Variants in SDK1 observed in about 807,000 individuals in gnomAD.
The protein encoded by SDK1 is sidekick cell adhesion molecule 1.
In SDK1, 157 loss-of-function variants were observed where a neutral mutation model predicts 245.5. The ratio of observed to expected loss-of-function variants is 0.64; its 90% confidence interval spans 0.56 to 0.73. The LOEUF (loss-of-function observed/expected upper bound fraction) is 0.73. Ranked by LOEUF, SDK1 falls within the 30% of genes least tolerant of loss-of-function variation. The pLI, the probability that SDK1 is intolerant of heterozygous loss-of-function variation, is 0.00. For synonymous variants in SDK1, 1,647 were observed against 1,278.5 expected (o/e 1.29, Z -6.15); for missense variants, 3,583 against 3,002.3 (o/e 1.19, Z -4.52).
At chr7:3,542,331 G>T (rs1416531757) in intron 1 of SDK1, among the ~76,000 whole-genome samples, 1 of 152,200 alleles carries the variant, frequency 6.6e-6, no homozygotes, top group Non-Finnish European at 1.5e-5. Context: ...GGCTGGAAAG[G>T]TGATTACATT....
chr7:3,381,151 C>A (rs1347638072), intron 1 of SDK1, among the ~76,000 whole-genome samples: 2 of 151,998 alleles, frequency 1.3e-5, no homozygotes, highest in African/African-American at 2.4e-5. Flanking sequence ...CATGAAGGGA[C>A]TGAAAGGAAG....
At chr7:3,878,543 T>C (rs1252685695) in intron 5 of SDK1, among the ~76,000 whole-genome samples, 5 of 152,074 alleles carry the variant, frequency 3.3e-5, no homozygotes, top group Non-Finnish European at 5.9e-5. Flanking sequence ...ATGAAATAAA[T>C]AAATAAATAA....
At chr7:3,799,161 A>C (rs1779041370) in intron 4 of SDK1, among the ~76,000 whole-genome samples, 1 of 152,056 alleles carries the variant, frequency 6.6e-6, no homozygotes, top group Admixed American at 6.6e-5. Flanking sequence ...CCTTTTTATT[A>C]CTTTTTTGTT....
chr7:3,516,494 C>G (rs1782756157), intron 1 of SDK1, among the ~76,000 whole-genome samples: 2 of 152,070 alleles, frequency 1.3e-5, no homozygotes, highest in African/African-American at 4.8e-5. Context: ...CTATTTTTTA[C>G]TGAGTGTATT....
At chr7:4,213,699 A>C (rs12113495) in intron 38 of SDK1, among the ~76,000 whole-genome samples, 5,520 of 150,958 alleles carry the variant, frequency 0.037, 156 homozygotes, top group South Asian at 0.082. Flanking sequence ...CTGCAGTTTC[A>C]CTCCCCTAGA....
intron 25 of SDK1, among the ~76,000 whole-genome samples, chr7:4,124,892 G>GTGGA (rs144959988): frequency 0.2 from 30,469 of 150,302 alleles, 3,244 homozygotes; most frequent in Middle Eastern, 0.28. Context: ...GAATGGATGG[G>GTGGA]TGGATGGATG....
chr7:4,079,897 A>G (rs1029369236), intron 22 of SDK1, among the ~76,000 whole-genome samples: 18 of 152,234 alleles, frequency 1.2e-4, no homozygotes, highest in African/African-American at 3.6e-4. Flanking sequence ...CTATATCACA[A>G]TTAGCTACTA....
At chr7:3,598,395 TTTTTA>T (rs1317931333) in intron 1 of SDK1, among the ~76,000 whole-genome samples, 4 of 152,242 alleles carry the variant, frequency 2.6e-5, no homozygotes, top group Non-Finnish European at 5.9e-5. Context: ...AAGCTTTTTA[TTTTTA>T]TTTTATTTTG....
Position 3,748,387 on chromosome 7 carries a change from G to A in SDK1, c.714-73063G>A, listed in dbSNP as rs1779685168. Among the ~76,000 whole-genome samples the A allele has an allele frequency of 3.9e-5, 6 of 152,100 alleles. No individual in the cohort carries two copies. In the South Asian group the frequency reaches 1.0e-3, roughly 26 times the overall value. On this transcript the variant is annotated intron_variant, in intron 4 of 44. Coordinates refer to ENST00000404826, the MANE Select transcript of SDK1 (RefSeq NM_152744.4). Reference sequence around the variant, plus strand: ...GAGAAAAACAGATTTAGTTTATCTTGGAACATTTCATTGAATAGCCTGTAT... The same window carrying A: ...GAGAAAAACAGATTTAGTTTATCTTAGAACATTTCATTGAATAGCCTGTAT...
chr7:4,211,573 G>T (rs1784514548), intron 38 of SDK1, among the ~76,000 whole-genome samples: 1 of 152,068 alleles, frequency 6.6e-6, no homozygotes, highest in Non-Finnish European at 1.5e-5. Context: ...GCACCTGCTG[G>T]GTCAGTGCAC....
intron 17 of SDK1, among the ~76,000 whole-genome samples, chr7:4,045,056 A>AGT (rs1788920780): frequency 6.6e-6 from 1 of 152,082 alleles, no homozygotes; most frequent in Non-Finnish European, 1.5e-5. Context: ...TCCTTCCCTT[A>AGT]GTGTCATGCA....
intron 1 of SDK1, among the ~76,000 whole-genome samples, chr7:3,578,526 G>GTAAGCC (rs1446590532): frequency 3.3e-5 from 5 of 151,948 alleles, no homozygotes; most frequent in Non-Finnish European, 5.9e-5. Context: ...CCCAATCCTG[G>GTAAGCC]TAAGCCTGAG....
chr7:3,601,798 G>C (rs1781261685), intron 1 of SDK1, among the ~76,000 whole-genome samples: 1 of 150,400 alleles, frequency 6.6e-6, no homozygotes, highest in South Asian at 2.2e-4. Flanking sequence ...TTTAGCATTA[G>C]GTATATCTCC....
At chr7:3,743,336 G>A (rs1353596980) in intron 4 of SDK1, among the ~76,000 whole-genome samples, 1 of 152,194 alleles carries the variant, frequency 6.6e-6, no homozygotes, top group Non-Finnish European at 1.5e-5. Flanking sequence ...TGGCGGTACA[G>A]TCTTGCTAAG....
At chr7:4,024,028 C>T (rs1334008045) in intron 17 of SDK1, among the ~76,000 whole-genome samples, 2 of 152,236 alleles carry the variant, frequency 1.3e-5, no homozygotes, top group Non-Finnish European at 2.9e-5. Flanking sequence ...TGCTATAAAT[C>T]ATCATTCTGA....
At chr7:3,448,448 T>A (rs888357419) in intron 1 of SDK1, among the ~76,000 whole-genome samples, 1 of 152,036 alleles carries the variant, frequency 6.6e-6, no homozygotes, top group African/African-American at 2.4e-5. Flanking sequence ...TATGTATTTT[T>A]GAAGTGGTTT....
chr7:4,223,406 G>A (rs955168147), intron 40 of SDK1, among the ~76,000 whole-genome samples: 4 of 152,222 alleles, frequency 2.6e-5, no homozygotes, highest in African/African-American at 7.2e-5. Context: ...TCTGGAGGCC[G>A]GAAGCCCACA....
intron 1 of SDK1, among the ~76,000 whole-genome samples, chr7:3,599,090 CTTTTT>C (rs58431507): frequency 3.7e-5 from 3 of 80,526 alleles, no homozygotes; most frequent in Non-Finnish European, 5.0e-5. Context: ...ACTAATCCAC[CTTTTT>C]TTTTTTTTTT....
intron 2 of SDK1, among the ~76,000 whole-genome samples, chr7:3,630,915 G>C (rs547272244): frequency 6.6e-6 from 1 of 152,022 alleles, no homozygotes; most frequent in Admixed American, 6.5e-5. Context: ...TCACTAAGCT[G>C]TGGGGAAGAT....
Sources: allele counts gnomAD v4.1 joint callset (sites outside exome capture counted in the v4.1 genomes callset), GRCh38; gene constraint gnomAD v4.1.1; transcripts MANE v1.5; gene names NCBI Gene and HGNC (gene_info 2026-07-23, HGNC 2026-07-21).